The following MB21D2 variants were observed in gnomAD, a reference collection of about 807,000 sequenced individuals.
The protein encoded by MB21D2 is nucleotidyltransferase MB21D2.
Under a neutral mutation model 33.3 loss-of-function variants are expected in MB21D2, and 9 were observed. The observed-to-expected ratio is 0.27, with a 90% CI of 0.16 to 0.47. MB21D2 has a LOEUF of 0.47. Ranked by LOEUF, MB21D2 falls within the 20% of genes least tolerant of loss-of-function variation. The probability of loss-of-function intolerance (pLI) is 0.99; values close to 1 mark genes in which losing one functional copy is unlikely to be tolerated. For synonymous variants in MB21D2, 241 were observed against 236.3 expected, an observed-to-expected ratio of 1.02 and a Z score of -0.18; for missense variants, 540 against 624.6, an observed-to-expected ratio of 0.86 and a Z score of 1.44.
chr3:192,892,880 A>C (rs112055076), intron 1 of MB21D2, among the ~76,000 whole-genome samples: 103 of 152,346 alleles, frequency 6.8e-4, no homozygotes, highest in African/African-American at 2.5e-3. Flanking sequence ...TATGTACAAA[A>C]GGGGGAAAAT....
intron 1 of MB21D2, among the ~76,000 whole-genome samples, chr3:192,855,831 G>A (rs1484746725): frequency 6.6e-6 from 1 of 152,202 alleles, no homozygotes; most frequent in East Asian, 1.9e-4. Context: ...CCAGCACTTT[G>A]GGAGGCCAAG....
intron 1 of MB21D2, among the ~76,000 whole-genome samples, chr3:192,906,759 T>C (rs374389927): frequency 2.0e-5 from 3 of 152,362 alleles, no homozygotes; most frequent in African/African-American, 7.2e-5. Context: ...TTGGTTCTTA[T>C]TCACTACTCT....
At chr3:192,840,392 A>T (rs1712539739) in intron 1 of MB21D2, among the ~76,000 whole-genome samples, 2 of 148,230 alleles carry the variant, frequency 1.3e-5, no homozygotes, top group Non-Finnish European at 3.0e-5. Context: ...TGGGAGTATG[A>T]CAAAGACTTT....
At chr3:192,805,464 T>C (rs897627660) in intron 1 of MB21D2, among the ~76,000 whole-genome samples, 5 of 152,240 alleles carry the variant, frequency 3.3e-5, no homozygotes, top group Admixed American at 6.5e-5. Context: ...CTGCATATAA[T>C]TTTATTTTTT....
intron 1 of MB21D2, among the ~76,000 whole-genome samples, chr3:192,852,469 T>C (rs1055393350): frequency 1.3e-5 from 2 of 152,168 alleles, no homozygotes; most frequent in Non-Finnish European, 2.9e-5. Flanking sequence ...ACCTGCTTCA[T>C]ATACAGGTTC....
At chr3:192,805,945 C>T (rs1379764356) in intron 1 of MB21D2, among the ~76,000 whole-genome samples, 1 of 152,170 alleles carries the variant, frequency 6.6e-6, no homozygotes, top group Non-Finnish European at 1.5e-5. Context: ...TATTTAAAGC[C>T]TCTAGCACAT....
chr3:192,805,780 C>G (rs1258061536), intron 1 of MB21D2, among the ~76,000 whole-genome samples: 5 of 152,188 alleles, frequency 3.3e-5, no homozygotes, highest in African/African-American at 1.2e-4. Context: ...AAAACCCACC[C>G]TTACAGGATT....
At chr3:192,870,857 T>C (rs1713280908) in intron 1 of MB21D2, among the ~76,000 whole-genome samples, 1 of 152,122 alleles carries the variant, frequency 6.6e-6, no homozygotes, top group African/African-American at 2.4e-5. Flanking sequence ...AAATATATTA[T>C]GACCCAACTG....
rs78917753 is a variant in MB21D2 at position 192,811,126 on chromosome 3, C to A, written c.212-11476G>T. 9.7e-3 allele frequency among the ~76,000 whole-genome samples: 1,481 copies of A among 152,324 alleles called. 23 individuals are homozygous for A. Among genetic ancestry groups the A allele is most frequent in the African/African-American group, 0.034 (1,406 of 41,560 alleles). On this transcript the variant is annotated intron_variant, in intron 1 of 1. Coordinates refer to ENST00000392452, the MANE Select transcript of MB21D2 (RefSeq NM_178496.4). ...CTGACACCATTGGGGCGACTGTCAA[C>A]CACTGGGGCAGAATCAGTAGATAAA...
At chr3:192,853,898 T>A (rs1416189676) in intron 1 of MB21D2, among the ~76,000 whole-genome samples, 3 of 152,250 alleles carry the variant, frequency 2.0e-5, no homozygotes, top group African/African-American at 4.8e-5. Flanking sequence ...CTGTGATCTT[T>A]GATGTTACTA....
At chr3:192,810,220 G>C (rs1711755570) in intron 1 of MB21D2, among the ~76,000 whole-genome samples, 1 of 152,128 alleles carries the variant, frequency 6.6e-6, no homozygotes, top group African/African-American at 2.4e-5. Flanking sequence ...AAAGAATTCT[G>C]TGTCTTCTCT....
At position 192,810,681 on chromosome 3, in the gene MB21D2, A is replaced by AT. The variant is rs1194174008; in HGVS notation, c.212-11032dup. 2.6e-5 allele frequency among the ~76,000 whole-genome samples: 4 copies of AT among 152,254 alleles called. No homozygotes were observed. The South Asian group carries it at 8.3e-4, about 32-fold the overall frequency. ...TTGCCATTCTTATTTCATTTATCCCATTTTTTTGGCATAATATGTTAAGGT... is the reference window on the plus strand; with the variant it reads ...TTGCCATTCTTATTTCATTTATCCCATTTTTTTTGGCATAATATGTTAAGGT... On this transcript the variant is annotated intron_variant, in intron 1 of 1. Transcript: ENST00000392452.
At chr3:192,911,235 CCA>C (rs1486545914) in intron 1 of MB21D2, among the ~76,000 whole-genome samples, 5 of 152,030 alleles carry the variant, frequency 3.3e-5, no homozygotes, top group African/African-American at 1.2e-4. Context: ...CTAGGGTTCA[CCA>C]CAGTTTTTTT....
At chr3:192,890,772 G>A (rs954555862) in intron 1 of MB21D2, among the ~76,000 whole-genome samples, 1 of 152,062 alleles carries the variant, frequency 6.6e-6, no homozygotes, top group Non-Finnish European at 1.5e-5. Flanking sequence ...ATGGCATTAC[G>A]TCATAACGAT....
At chr3:192,847,118 G>A (rs1469209531) in intron 1 of MB21D2, among the ~76,000 whole-genome samples, 1 of 152,092 alleles carries the variant, frequency 6.6e-6, no homozygotes, top group Non-Finnish European at 1.5e-5. Context: ...GGAGCTGTAA[G>A]GAATCTAAGC....
chr3:192,915,174 C>T (rs114218961), intron 1 of MB21D2, among the ~76,000 whole-genome samples: 1,961 of 152,170 alleles, frequency 0.013, 43 homozygotes, highest in African/African-American at 0.045. Flanking sequence ...GGACTGGCCA[C>T]CCTCCACCCC....
At chr3:192,808,810 C>T (rs1159351871) in intron 1 of MB21D2, among the ~76,000 whole-genome samples, 1 of 152,254 alleles carries the variant, frequency 6.6e-6, no homozygotes, top group Non-Finnish European at 1.5e-5. Flanking sequence ...TCCTTCTCAT[C>T]TGGCCTACTC....
At chr3:192,816,279 C>T (rs1402567307) in intron 1 of MB21D2, among the ~76,000 whole-genome samples, 2 of 151,540 alleles carry the variant, frequency 1.3e-5, no homozygotes, top group East Asian at 1.9e-4. Context: ...AGGTGTGCTA[C>T]GATTGTGAGA....
intron 1 of MB21D2, among the ~76,000 whole-genome samples, chr3:192,902,053 ATTTCATCCAGGACT>A (rs1714116449): frequency 6.6e-6 from 1 of 152,288 alleles, no homozygotes; most frequent in African/African-American, 2.4e-5. Flanking sequence ...ATAGGATGAG[ATTTCATCCAGGACT>A]TTTCAATAAA....
Sources: gnomAD v4.1 joint callset for allele counts (sites outside exome capture counted in the v4.1 genomes callset) on GRCh38, gnomAD v4.1.1 for gene constraint, MANE v1.5 for transcripts, NCBI Gene and HGNC (gene_info 2026-07-23, HGNC 2026-07-21) for gene names.